Variants in TOM1L2 observed in about 807,000 individuals in gnomAD.
TOM1L2 encodes TOM1-like protein 2.
Under a neutral mutation model 67.9 loss-of-function variants are expected in TOM1L2, and 31 were observed. The observed-to-expected ratio is 0.46, with a 90% CI of 0.34 to 0.62. The LOEUF (loss-of-function observed/expected upper bound fraction) is 0.62. Among genes scored for constraint, TOM1L2 ranks in the 20% least tolerant of loss-of-function variants. The pLI, the probability that TOM1L2 is intolerant of heterozygous loss-of-function variation, is 0.01. For missense variants in TOM1L2, 606 were observed against 663.5 expected (o/e 0.91, Z 0.95); for synonymous variants, 256 against 254.0 (o/e 1.01, Z -0.07).
rs1297523121 is a variant in TOM1L2 at position 17,898,738 on chromosome 17, T to G, written c.138-64A>C. On this transcript the variant is annotated intron_variant, in intron 2 of 14. Transcript: ENST00000379504. ...CCACTTGAGGACACGATCCTACAGA[T>G]ATGTGAACTAGTATATATGCAAGAC... 6.6e-6 allele frequency: 10 copies of G among 1,516,762 alleles called. No homozygotes were observed. The East Asian group carries it at 1.8e-4, about 27-fold the overall frequency. The allele number at this position is 1,516,762 out of a possible 1,614,324, so 94.0% of individuals were successfully genotyped here. A position where few individuals can be genotyped will look rare whatever the true frequency, so the allele number is the denominator to read the frequency against.
intron 5 of TOM1L2, among the ~76,000 whole-genome samples, chr17:17,883,481 T>C (rs2037835697): frequency 6.6e-6 from 1 of 151,980 alleles, no homozygotes; most frequent in African/African-American, 2.4e-5. Flanking sequence ...ACGCCTGTAA[T>C]CTCAGCACTT....
chr17:17,971,079 C>A (rs1180514039), intron 1 of TOM1L2, among the ~76,000 whole-genome samples: 5 of 152,122 alleles, frequency 3.3e-5, no homozygotes, highest in Non-Finnish European at 4.4e-5. Context: ...TCTCTGGTGT[C>A]CCCAGGTGTC....
intron 7 of TOM1L2, among the ~76,000 whole-genome samples, chr17:17,870,427 G>A (rs1354511117): frequency 1.3e-5 from 2 of 152,170 alleles, no homozygotes; most frequent in Admixed American, 6.5e-5. Flanking sequence ...TGCTACAGAG[G>A]AGGGAGCTGG....
chr17:17,961,729 G>A lies in TOM1L2; in HGVS notation c.52+10533C>T, dbSNP rs192755902. Among the ~76,000 whole-genome samples, 277 of 152,122 alleles carry A rather than the reference G, an allele frequency of 1.8e-3. 1 individual carries two copies. The highest frequency in any genetic ancestry group is 6.0e-3 in the African/African-American group (250 of 41,502). ...TCTACTAAAAATACAAAAATTAGCC[G>A]GGCGTGGTGGCAGGCGCCTGTAGTC... On this transcript the variant is annotated intron_variant, in intron 1 of 14. Coordinates refer to ENST00000379504, the MANE Select transcript of TOM1L2 (RefSeq NM_001082968.2).
intron 1 of TOM1L2, among the ~76,000 whole-genome samples, chr17:17,947,782 T>G (rs1216518933): frequency 6.6e-6 from 1 of 152,198 alleles, no homozygotes; most frequent in Non-Finnish European, 1.5e-5. Flanking sequence ...GGACTCAAAG[T>G]GAAGTCTGAT....
intron 4 of TOM1L2, among the ~76,000 whole-genome samples, chr17:17,891,246 G>C (rs1225565768): frequency 6.6e-6 from 1 of 152,238 alleles, no homozygotes; most frequent in Non-Finnish European, 1.5e-5. Flanking sequence ...ACCTTGGGCT[G>C]ATCTCATGGG....
chr17:17,903,714 C>T (rs1164446839), intron 2 of TOM1L2, among the ~76,000 whole-genome samples: 8 of 151,962 alleles, frequency 5.3e-5, no homozygotes, highest in Admixed American at 2.6e-4. Context: ...CACTAACAAC[C>T]GTCCCACAGA....
At position 17,866,250 on chromosome 17, in the gene TOM1L2, A is replaced by T. The variant is rs1377410571; in HGVS notation, c.1084+46T>A. ...AGAGAGGTGGCCTGCAAGGGAGGCC[A>T]GTGGTAGGAAGTAGGTAGGCCCTTT... On this transcript the variant is annotated intron_variant, in intron 10 of 14. Transcript: ENST00000379504. 3.8e-6 allele frequency: 6 copies of T among 1,564,100 alleles called. No individual in the cohort carries two copies. In the East Asian group the frequency reaches 1.1e-4, roughly 30 times the overall value.
intron 1 of TOM1L2, among the ~76,000 whole-genome samples, chr17:17,955,300 G>T (rs1010656475): frequency 2.0e-5 from 3 of 151,056 alleles, no homozygotes; most frequent in Non-Finnish European, 4.4e-5. Flanking sequence ...TAGTGGGAAC[G>T]GCAGGACCCC....
At chr17:17,951,371 C>T (rs1397726198) in intron 1 of TOM1L2, among the ~76,000 whole-genome samples, 1 of 152,172 alleles carries the variant, frequency 6.6e-6, no homozygotes, top group Non-Finnish European at 1.5e-5. Flanking sequence ...CCTGATCTCA[C>T]TTTGTCTTAC....
At chr17:17,918,244 GT>G (rs1288175685) in intron 1 of TOM1L2, among the ~76,000 whole-genome samples, 2 of 150,948 alleles carry the variant, frequency 1.3e-5, no homozygotes, top group South Asian at 4.2e-4. Flanking sequence ...CGCTCTAGCA[GT>G]TTTTCTTTTT....
At position 17,964,167 on chromosome 17, in the gene TOM1L2, C is replaced by T. The variant is rs111800464; in HGVS notation, c.52+8095G>A. On this transcript the variant is annotated intron_variant, in intron 1 of 14. Transcript: ENST00000379504. ...GGAGCAATAACATATGTAACCAAGT[C>T]TGAGACTGGTTTTAAAAGTCGCCTC... 2.9e-3 allele frequency among the ~76,000 whole-genome samples: 446 copies of T among 152,288 alleles called. 4 individuals carry two copies. Among genetic ancestry groups the T allele is most frequent in the Non-Finnish European group, 4.7e-3 (321 of 68,018 alleles).
At chr17:17,895,078 G>T (rs1420910053) in intron 3 of TOM1L2, among the ~76,000 whole-genome samples, 2 of 152,108 alleles carry the variant, frequency 1.3e-5, no homozygotes, top group African/African-American at 4.8e-5. Flanking sequence ...CTGTTCAGAA[G>T]GCTGCTGTAC....
rs1021814356 is a variant in TOM1L2, at chr17:17,898,535, G to A, written c.216+61C>T. 4 of 1,567,688 alleles carry A rather than the reference G, an allele frequency of 2.6e-6. No individual in the cohort carries two copies. The African/African-American group carries it at 5.4e-5, about 21-fold the overall frequency. ...GCAGAGGGAAGGCCCTGTGAGGGGG[G>A]CAAGGCCAGGAGCAAGGAGTTCCCC... On this transcript the variant is annotated intron_variant, in intron 3 of 14. Transcript: ENST00000379504.
At chr17:17,929,182 G>C (rs1288087168) in intron 1 of TOM1L2, among the ~76,000 whole-genome samples, 1 of 152,228 alleles carries the variant, frequency 6.6e-6, no homozygotes, top group Non-Finnish European at 1.5e-5. Flanking sequence ...CTGCTCAGCA[G>C]CGTCAGGCGG....
At chr17:17,952,376 C>CTTTTTTTTTTTTTTTTTTTTTTTT (rs60388742) in intron 1 of TOM1L2, among the ~76,000 whole-genome samples, 1 of 79,920 alleles carries the variant, frequency 1.3e-5, no homozygotes, top group Non-Finnish European at 2.7e-5. Flanking sequence ...TCTTTATTTT[C>CTTTTTTTTTTTTTTTTTTTTTTTT]TTTTTTTTTT....
At chr17:17,919,343 T>G (rs2039757360) in intron 1 of TOM1L2, among the ~76,000 whole-genome samples, 1 of 151,984 alleles carries the variant, frequency 6.6e-6, no homozygotes, top group Non-Finnish European at 1.5e-5. Context: ...ACCCCCCTCC[T>G]CTCCCATTCC....
At chr17:17,880,507 G>GGGGTT (rs2037668316) in intron 6 of TOM1L2, among the ~76,000 whole-genome samples, 1 of 152,172 alleles carries the variant, frequency 6.6e-6, no homozygotes, top group Non-Finnish European at 1.5e-5. Context: ...CCCCCTCGAA[G>GGGGTT]GATCTGCAGA....
rs550216924 is a variant in TOM1L2 at position 17,926,684 on chromosome 17, T to C, written c.53-19153A>G. On this transcript the variant is annotated intron_variant, in intron 1 of 14. Transcript: ENST00000379504. Reference sequence around the variant, plus strand: ...TCAAGACCAGCCAACATGGTGAAACTCCATCTTTACAAAATATACAAAAAT... The same window carrying C: ...TCAAGACCAGCCAACATGGTGAAACCCCATCTTTACAAAATATACAAAAAT... Among the ~76,000 whole-genome samples the C allele has an allele frequency of 8.6e-5, 13 of 151,952 alleles. No homozygotes were observed. The East Asian group carries it at 2.5e-3, about 29-fold the overall frequency.
Sources: gnomAD v4.1 joint callset for allele counts (sites outside exome capture counted in the v4.1 genomes callset) on GRCh38, gnomAD v4.1.1 for gene constraint, MANE v1.5 for transcripts, NCBI Gene and HGNC (gene_info 2026-07-23, HGNC 2026-07-21) for gene names.